Variants in CLDN14 observed in about 807,000 individuals in gnomAD.
CLDN14 encodes claudin-14.
A neutral mutation model predicts 2.1 loss-of-function variants in CLDN14; 2 were observed. That is an observed-to-expected ratio of 0.96 (90% CI 0.39 to 3.01). The LOEUF (loss-of-function observed/expected upper bound fraction) is 3.01, where lower values mean the gene tolerates loss of function less well. CLDN14 is among the 30% of genes most tolerant of loss of function. CLDN14 has a pLI of 0.09. For synonymous variants in CLDN14, 136 were observed against 154.4 expected (o/e 0.88, Z 0.88); for missense variants, 298 against 328.0 (o/e 0.91, Z 0.71).
At chr21:36,550,559 G>A (rs1447745518) in intron 1 of CLDN14, among the ~76,000 whole-genome samples, 2 of 152,182 alleles carry the variant, frequency 1.3e-5, no homozygotes, top group African/African-American at 4.8e-5. Flanking sequence ...GTGCTGTCTG[G>A]AAAGTTGGGC....
intron 1 of CLDN14, among the ~76,000 whole-genome samples, chr21:36,475,043 C>G (rs219754): frequency 6.6e-6 from 1 of 151,960 alleles, no homozygotes; most frequent in Non-Finnish European, 1.5e-5. Flanking sequence ...GGAGAATGAC[C>G]GCAGGCCTGG....
intron 1 of CLDN14, among the ~76,000 whole-genome samples, chr21:36,536,716 A>G (rs1176536461): frequency 7.9e-5 from 12 of 152,166 alleles, no homozygotes; most frequent in Non-Finnish European, 8.8e-5. Flanking sequence ...ATCCTTCTAC[A>G]TGTTAAGAAA....
chr21:36,556,221 T>G (rs1306828581), intron 1 of CLDN14, among the ~76,000 whole-genome samples: 1 of 152,208 alleles, frequency 6.6e-6, no homozygotes, highest in African/African-American at 2.4e-5. Flanking sequence ...AATTGATCAG[T>G]GTGTCCTCCA....
At chr21:36,511,256 C>T (rs2087184739) in intron 1 of CLDN14, among the ~76,000 whole-genome samples, 1 of 152,128 alleles carries the variant, frequency 6.6e-6, no homozygotes, top group South Asian at 2.1e-4. Flanking sequence ...GTTAAGCACA[C>T]CCTTTTCACG....
chr21:36,506,714 G>C (rs1044105073), intron 2 of CLDN14, among the ~76,000 whole-genome samples: 1 of 152,164 alleles, frequency 6.6e-6, no homozygotes, highest in Admixed American at 6.5e-5. Context: ...AAGGGTCAAG[G>C]TCGGGGAGGA....
chr21:36,521,295 C>A (rs1377337802), intron 1 of CLDN14, among the ~76,000 whole-genome samples: 1 of 152,102 alleles, frequency 6.6e-6, no homozygotes, highest in Non-Finnish European at 1.5e-5. Flanking sequence ...AAGCACGTGA[C>A]CCCTTCTGGT....
At chr21:36,566,563 C>T (rs956715132) in intron 1 of CLDN14, among the ~76,000 whole-genome samples, 1 of 152,228 alleles carries the variant, frequency 6.6e-6, no homozygotes, top group African/African-American at 2.4e-5. Context: ...CTCACGGTCA[C>T]TGCAGCCCCT....
intron 1 of CLDN14, among the ~76,000 whole-genome samples, chr21:36,570,486 T>C (rs1335665025): frequency 1.3e-5 from 2 of 152,164 alleles, no homozygotes; most frequent in Admixed American, 1.3e-4. Flanking sequence ...GGTTGAGGGG[T>C]ACTTAAACTT....
chr21:36,568,136 G>A (rs1236576536), intron 1 of CLDN14, among the ~76,000 whole-genome samples: 3 of 152,144 alleles, frequency 2.0e-5, no homozygotes, highest in East Asian at 3.9e-4. Flanking sequence ...GATGGGGTAA[G>A]CCAGCTTGAC....
At chr21:36,560,157 T>G (rs2146523121) in intron 1 of CLDN14, among the ~76,000 whole-genome samples, 1 of 152,280 alleles carries the variant, frequency 6.6e-6, no homozygotes, top group Middle Eastern at 3.4e-3. Context: ...GATCAAAATC[T>G]TTAGGCTCAA....
In CLDN14 at chr21:36,476,697, C is replaced by T. The variant is rs1025494772; in HGVS notation, c.-82+2798G>A. 4.6e-5 allele frequency among the ~76,000 whole-genome samples: 7 copies of T among 152,316 alleles called. No homozygotes were observed. The East Asian group carries it at 5.8e-4, about 13-fold the overall frequency. On this transcript the variant is annotated intron_variant, in intron 1 of 1. Transcript: ENST00000399135. ...CGAACTCCTGACCTCATGATCCACC[C>T]GCCTTGGACTCCCAAAGTGCTGGGA... is the stretch of plus-strand genomic sequence containing the variant.
intron 1 of CLDN14, among the ~76,000 whole-genome samples, chr21:36,540,649 G>A (rs1168742362): frequency 6.6e-6 from 1 of 151,924 alleles, no homozygotes; most frequent in Non-Finnish European, 1.5e-5. Flanking sequence ...TGCTGAGAGA[G>A]GGGAGGGAGG....
chr21:36,523,454 A>C (rs2087288146), intron 1 of CLDN14, among the ~76,000 whole-genome samples: 1 of 152,156 alleles, frequency 6.6e-6, no homozygotes, highest in Admixed American at 6.5e-5. Flanking sequence ...GTTTAGGTAG[A>C]AAGTGGATTA....
At chr21:36,569,218 C>T (rs967424621) in intron 1 of CLDN14, among the ~76,000 whole-genome samples, 1 of 152,166 alleles carries the variant, frequency 6.6e-6, no homozygotes, top group African/African-American at 2.4e-5. Context: ...GAGTTCGAGA[C>T]CAGCCTGCCC....
At position 36,522,672 on chromosome 21, in the gene CLDN14, C is replaced by T. The variant is rs77660155; in HGVS notation, c.-219-12172G>A. Among the ~76,000 whole-genome samples, 12 of 152,382 alleles carry T rather than the reference C, an allele frequency of 7.9e-5. No homozygotes were observed. The East Asian group carries it at 2.3e-3, about 29-fold the overall frequency. On this transcript the variant is annotated intron_variant, in intron 1 of 2. Coordinates refer to the CLDN14 transcript ENST00000342108. The stretch of plus-strand genomic sequence containing the variant: ...ATGCGGCTGTCCCCGGAGCCCAACA[C>T]ATAAATTACAAAAACAATTTCGAAT...
intron 1 of CLDN14, among the ~76,000 whole-genome samples, chr21:36,541,666 C>T (rs2087489661): frequency 1.3e-5 from 2 of 152,108 alleles, no homozygotes; most frequent in South Asian, 4.2e-4. Flanking sequence ...AACAATTTTA[C>T]ACAAAATACA....
chr21:36,469,427 A>T (rs950391392), intron 1 of CLDN14, among the ~76,000 whole-genome samples: 1 of 152,196 alleles, frequency 6.6e-6, no homozygotes, highest in African/African-American at 2.4e-5. Flanking sequence ...TTTCCATGAG[A>T]GGCAGAGACG....
At chr21:36,540,798 A>G (rs920562496) in intron 1 of CLDN14, among the ~76,000 whole-genome samples, 3 of 152,208 alleles carry the variant, frequency 2.0e-5, no homozygotes, top group African/African-American at 2.4e-5. Flanking sequence ...GTTTATTCTA[A>G]GGGAAGAGGA....
At chr21:36,507,305 C>A (rs1357914909) in intron 2 of CLDN14, among the ~76,000 whole-genome samples, 1 of 152,114 alleles carries the variant, frequency 6.6e-6, no homozygotes, top group Non-Finnish European at 1.5e-5. Flanking sequence ...TAGTGATGAG[C>A]CTTGGGGACC....
Sources: gnomAD v4.1 joint callset for allele counts (sites outside exome capture counted in the v4.1 genomes callset) on GRCh38, gnomAD v4.1.1 for gene constraint, MANE v1.5 for transcripts, NCBI Gene and HGNC (gene_info 2026-07-23, HGNC 2026-07-21) for gene names.